TSGA10: variants seen among roughly 807,000 people sequenced by gnomAD.
TSGA10 encodes testis-specific gene 10 protein.
In TSGA10, 43 loss-of-function variants were observed where a neutral mutation model predicts 96.6. The observed-to-expected ratio is 0.44, with a 90% CI of 0.35 to 0.57. The LOEUF is 0.57. Ranked by LOEUF, TSGA10 falls within the 20% of genes least tolerant of loss-of-function variation. TSGA10 has a pLI of 0.01. For synonymous variants in TSGA10, 229 were observed against 269.9 expected (o/e 0.85, Z 1.48); for missense variants, 703 against 834.4 (o/e 0.84, Z 1.94).
intron 16 of TSGA10, among the ~76,000 whole-genome samples, chr2:99,046,888 G>T (rs147734360): frequency 4.8e-4 from 73 of 152,188 alleles, no homozygotes; most frequent in Non-Finnish European, 7.1e-4. Flanking sequence ...TGAAAAAGGG[G>T]ATATCACCAC....
At chr2:99,084,014 A>C (rs2087905770) in intron 10 of TSGA10, among the ~76,000 whole-genome samples, 1 of 152,232 alleles carries the variant, frequency 6.6e-6, no homozygotes, top group East Asian at 1.9e-4. Context: ...CATTGTGGGA[A>C]AGTGGGTGAC....
At chr2:99,016,292 A>G (rs2079511099) in intron 20 of TSGA10, among the ~76,000 whole-genome samples, 1 of 152,220 alleles carries the variant, frequency 6.6e-6, no homozygotes, top group Non-Finnish European at 1.5e-5. Context: ...TGATATAAAA[A>G]TAGGCACATA....
chr2:99,092,148 A>G (rs1394378618), intron 10 of TSGA10, among the ~76,000 whole-genome samples: 1 of 152,148 alleles, frequency 6.6e-6, no homozygotes, highest in Non-Finnish European at 1.5e-5. Flanking sequence ...AACCATGCAA[A>G]TACATGGAAA....
intron 1 of TSGA10, among the ~76,000 whole-genome samples, chr2:99,144,765 CACTA>C (rs1398211302): frequency 1.3e-5 from 2 of 151,516 alleles, no homozygotes; most frequent in African/African-American, 4.8e-5. Flanking sequence ...GGCCCCATGT[CACTA>C]ACTATCCTCA....
chr2:99,026,489 G>A (rs1391873583), intron 17 of TSGA10, among the ~76,000 whole-genome samples: 1 of 151,496 alleles, frequency 6.6e-6, no homozygotes, highest in East Asian at 1.9e-4. Context: ...GCATGATCTC[G>A]GCTCACTGTA....
chr2:99,059,402 ACG>A (rs2084393703), intron 16 of TSGA10, among the ~76,000 whole-genome samples: 1 of 151,872 alleles, frequency 6.6e-6, no homozygotes, highest in Non-Finnish European at 1.5e-5. Flanking sequence ...TCGGAAGCCG[ACG>A]TGGGCAGATC....
intron 1 of TSGA10, among the ~76,000 whole-genome samples, chr2:99,135,981 C>A (rs968087051): frequency 7.6e-6 from 1 of 130,916 alleles, no homozygotes; most frequent in African/African-American, 2.8e-5. Context: ...TGCACTCCAG[C>A]CTGGGGGACA....
At chr2:99,062,011 G>A (rs1010991881) in intron 16 of TSGA10, among the ~76,000 whole-genome samples, 1 of 152,092 alleles carries the variant, frequency 6.6e-6, no homozygotes, top group Non-Finnish European at 1.5e-5. Context: ...CAAACCTTCC[G>A]GCACTGTGAT....
intron 16 of TSGA10, among the ~76,000 whole-genome samples, chr2:99,037,288 A>C (rs563456446): frequency 6.6e-6 from 1 of 152,246 alleles, no homozygotes; most frequent in Non-Finnish European, 1.5e-5. Context: ...AAAATCATAC[A>C]AAGTATACTC....
intron 10 of TSGA10, among the ~76,000 whole-genome samples, chr2:99,085,687 G>C (rs936331330): frequency 4.7e-5 from 6 of 128,862 alleles, no homozygotes; most frequent in Non-Finnish European, 9.7e-5. Context: ...GACACTGCTA[G>C]ATATTATCAA....
intron 16 of TSGA10, among the ~76,000 whole-genome samples, chr2:99,039,583 C>G (rs1573725790): frequency 6.7e-6 from 1 of 148,548 alleles, no homozygotes; most frequent in African/African-American, 2.5e-5. Context: ...AGATTACAAG[C>G]AGCAAGATTC....
intron 1 of TSGA10, among the ~76,000 whole-genome samples, chr2:99,144,230 C>T (rs1333191355): frequency 6.6e-6 from 1 of 151,860 alleles, no homozygotes; most frequent in Non-Finnish European, 1.5e-5. Flanking sequence ...ACTGTGTTAG[C>T]CAGGATGATC....
At chr2:99,140,232 C>G (rs1211445139) in intron 1 of TSGA10, among the ~76,000 whole-genome samples, 2 of 152,160 alleles carry the variant, frequency 1.3e-5, no homozygotes, top group Non-Finnish European at 2.9e-5. Context: ...AAAATACAAA[C>G]AAGAATCTGT....
At chr2:99,125,257 G>A (rs1212158429) in intron 2 of TSGA10, 1 of 152,132 alleles carries the variant, frequency 6.6e-6, no homozygotes. Context: ...ACAACAGTTT[G>A]CTTATCCATT....
chr2:99,120,720 C>T (rs1041030760), intron 2 of TSGA10, among the ~76,000 whole-genome samples: 62 of 152,146 alleles, frequency 4.1e-4, no homozygotes, highest in African/African-American at 1.4e-3. Context: ...TACCCAGATA[C>T]ACCATGTGCA....
intron 17 of TSGA10, among the ~76,000 whole-genome samples, chr2:99,023,402 G>GT (rs199829509): frequency 0.056 from 8,226 of 146,850 alleles, 415 homozygotes; most frequent in East Asian, 0.21. Flanking sequence ...AGCACAGAAG[G>GT]TTTTTTTTTT....
intron 10 of TSGA10, among the ~76,000 whole-genome samples, chr2:99,085,828 A>T (rs1348138439): frequency 1.3e-5 from 2 of 152,154 alleles, no homozygotes; most frequent in East Asian, 3.8e-4. Context: ...ACTGACAACA[A>T]ATTGAAGAAA....
intron 1 of TSGA10, 60 bp from the exon 2 acceptor site, chr2:99,127,236 C>G: frequency 8.8e-7 from 1 of 1,132,990 alleles, no homozygotes. Context: ...TCTGTGATTT[C>G]TTACATCAAT....
intron 1 of TSGA10, among the ~76,000 whole-genome samples, chr2:99,147,821 A>G (rs1470501459): frequency 6.6e-6 from 1 of 152,120 alleles, no homozygotes; most frequent in African/African-American, 2.4e-5. Context: ...ATTGCTAAAC[A>G]ATTTGAGGGC....
Sources: gnomAD v4.1 joint callset for allele counts (sites outside exome capture counted in the v4.1 genomes callset) on GRCh38, gnomAD v4.1.1 for gene constraint, MANE v1.5 for transcripts, NCBI Gene and HGNC (gene_info 2026-07-23, HGNC 2026-07-21) for gene names.